THSD4: variants seen among roughly 807,000 people sequenced by gnomAD.
The protein encoded by THSD4 is thrombospondin type-1 domain-containing protein 4.
In THSD4, 69 loss-of-function variants were observed where a neutral mutation model predicts 119.0. The observed-to-expected ratio is 0.58, with a 90% CI of 0.48 to 0.71. The LOEUF is 0.71. Among genes scored for constraint, THSD4 ranks in the 30% least tolerant of loss-of-function variants. The pLI, the probability that THSD4 is intolerant of heterozygous loss-of-function variation, is 0.00. For synonymous variants in THSD4, 524 were observed against 540.4 expected, an observed-to-expected ratio of 0.97 and a Z score of 0.42; for missense variants, 1,393 against 1,391.1, an observed-to-expected ratio of 1.00 and a Z score of -0.02.
At chr15:71,429,798 G>A (rs1300954279) in intron 7 of THSD4, among the ~76,000 whole-genome samples, 2 of 152,180 alleles carry the variant, frequency 1.3e-5, no homozygotes, top group African/African-American at 4.8e-5. Flanking sequence ...CATTAAACCA[G>A]TCTCTCATTC....
intron 8 of THSD4, among the ~76,000 whole-genome samples, chr15:71,668,127 CT>C (rs1255194364): frequency 6.6e-6 from 1 of 152,068 alleles, no homozygotes; most frequent in Admixed American, 6.6e-5. Flanking sequence ...TAGATTGCCT[CT>C]AGTTTTCTAA....
At chr15:71,611,425 C>G (rs892333801) in intron 7 of THSD4, among the ~76,000 whole-genome samples, 2 of 152,188 alleles carry the variant, frequency 1.3e-5, no homozygotes, top group Non-Finnish European at 2.9e-5. Context: ...CTGCCAGCCC[C>G]TACCCCGGCA....
chr15:71,709,364 A>T (rs2052462020), intron 8 of THSD4, among the ~76,000 whole-genome samples: 1 of 152,220 alleles, frequency 6.6e-6, no homozygotes, highest in Admixed American at 6.5e-5. Context: ...TGTGAAAAAA[A>T]ATCAAAGCGT....
chr15:71,254,126 C>T (rs554791163), intron 5 of THSD4, among the ~76,000 whole-genome samples: 2 of 152,322 alleles, frequency 1.3e-5, no homozygotes, highest in Admixed American at 1.3e-4. Context: ...CACTGTGGAG[C>T]AGCTTGGCTT....
At chr15:71,547,552 A>G in intron 7 of THSD4, 1 of 1,522,294 alleles carries the variant, frequency 6.6e-7, no homozygotes, top group Non-Finnish European at 8.8e-7. Context: ...TCTATCTACC[A>G]AGAGGGATCA....
At chr15:71,757,411 C>T (rs2053557374) in intron 14 of THSD4, among the ~76,000 whole-genome samples, 1 of 147,036 alleles carries the variant, frequency 6.8e-6, no homozygotes. Context: ...TCTTCTTCAG[C>T]TGAATATATA....
chr15:71,523,984 T>G (rs918707473), intron 7 of THSD4, among the ~76,000 whole-genome samples: 2 of 152,294 alleles, frequency 1.3e-5, no homozygotes, highest in Non-Finnish European at 2.9e-5. Flanking sequence ...CATCCCCACG[T>G]ATATCATAAG....
chr15:71,135,865 T>G (rs1186993421), intron 1 of THSD4, among the ~76,000 whole-genome samples: 1 of 152,100 alleles, frequency 6.6e-6, no homozygotes, highest in African/African-American at 2.4e-5. Context: ...CCTCCTCCCC[T>G]GTTGGCTCTG....
rs142930204 is a variant in THSD4 at position 71,579,325 on chromosome 15, A to G, written c.1153-81205A>G. Among the ~76,000 whole-genome samples the G allele has an allele frequency of 5.0e-3, 768 of 152,282 alleles. 8 individuals are homozygous for G. Among genetic ancestry groups the G allele is most frequent in the African/African-American group, 0.017 (724 of 41,550 alleles). On this transcript the variant is annotated intron_variant, in intron 7 of 17. Transcript: ENST00000261862. ...TGCTTGAGGCCAGCTGTGTGTGAGC[A>G]TTACCGAGAGCCAGAATGTCCTCCT...
chr15:71,271,335 C>A (rs183934867), intron 6 of THSD4, among the ~76,000 whole-genome samples: 2 of 152,264 alleles, frequency 1.3e-5, no homozygotes, highest in Non-Finnish European at 2.9e-5. Flanking sequence ...CTGGATGAAT[C>A]TCAAAAACTT....
At chr15:71,383,260 A>G (rs2046249908) in intron 6 of THSD4, among the ~76,000 whole-genome samples, 1 of 152,116 alleles carries the variant, frequency 6.6e-6, no homozygotes. Flanking sequence ...CTTTGTTTTA[A>G]CCTCAGAAGT....
intron 3 of THSD4, chr15:71,186,532 G>A (rs2043605180): frequency 6.6e-6 from 1 of 152,274 alleles, no homozygotes; most frequent in South Asian, 2.1e-4. Flanking sequence ...CTGAGATTAA[G>A]CTCAACAGCT....
intron 7 of THSD4, among the ~76,000 whole-genome samples, chr15:71,533,522 T>G (rs1225299404): frequency 6.6e-6 from 1 of 152,242 alleles, no homozygotes. Context: ...ACCTTGTGAT[T>G]AAATGTTTAC....
chr15:71,549,903 G>A (rs1460470669), intron 7 of THSD4: 1 of 152,634 alleles, frequency 6.6e-6, no homozygotes, highest in Admixed American at 6.5e-5. Context: ...TGCAAAGCAA[G>A]CCTTGTTTGG....
chr15:71,588,251 A>G (rs2049723475), intron 7 of THSD4, among the ~76,000 whole-genome samples: 2 of 147,712 alleles, frequency 1.4e-5, no homozygotes, highest in South Asian at 4.3e-4. Flanking sequence ...GCTTGCAGTG[A>G]GCCGAGATCG....
At chr15:71,123,818 C>T (rs915027774) in intron 1 of THSD4, among the ~76,000 whole-genome samples, 2 of 152,168 alleles carry the variant, frequency 1.3e-5, no homozygotes, top group African/African-American at 4.8e-5. Context: ...TTGAAGACCT[C>T]GCGGTATTCA....
At chr15:71,393,765 G>C (rs1399933723) in intron 6 of THSD4, among the ~76,000 whole-genome samples, 3 of 152,168 alleles carry the variant, frequency 2.0e-5, no homozygotes, top group Non-Finnish European at 4.4e-5. Flanking sequence ...AGGCATGAAA[G>C]AAGCCCCAGA....
chr15:71,234,230 A>G (rs1485491233), intron 4 of THSD4, among the ~76,000 whole-genome samples: 1 of 152,202 alleles, frequency 6.6e-6, no homozygotes, highest in South Asian at 2.1e-4. Flanking sequence ...TCAGGCCCCT[A>G]AACACATCTG....
chr15:71,304,309 A>G (rs2044993661), intron 6 of THSD4, among the ~76,000 whole-genome samples: 1 of 151,926 alleles, frequency 6.6e-6, no homozygotes, highest in Admixed American at 6.6e-5. Context: ...GGGAAAGAAG[A>G]AGGAGTCTTG....
Sources: gnomAD v4.1 joint callset for allele counts (sites outside exome capture counted in the v4.1 genomes callset) on GRCh38, gnomAD v4.1.1 for gene constraint, MANE v1.5 for transcripts, NCBI Gene and HGNC (gene_info 2026-07-23, HGNC 2026-07-21) for gene names.